MACROD2: variants seen among roughly 807,000 people sequenced by gnomAD.
MACROD2 encodes the protein ADP-ribose glycohydrolase MACROD2.
A neutral mutation model predicts 70.4 loss-of-function variants in MACROD2; 36 were observed. The observed-to-expected ratio is 0.51, with a 90% CI of 0.39 to 0.68. MACROD2 has a LOEUF of 0.68. MACROD2 is among the 30% of genes least tolerant of loss of function. MACROD2 has a pLI of 0.00. For synonymous variants in MACROD2, 172 were observed against 178.8 expected, an observed-to-expected ratio of 0.96 and a Z score of 0.30; for missense variants, 496 against 538.4, an observed-to-expected ratio of 0.92 and a Z score of 0.78.
At chr20:15,168,378 T>C (rs1024381836) in intron 5 of MACROD2, among the ~76,000 whole-genome samples, 3 of 152,034 alleles carry the variant, frequency 2.0e-5, no homozygotes, top group African/African-American at 7.3e-5. Context: ...ATACACTTTC[T>C]GTGCTGCCAA....
chr20:15,450,757 C>A (rs2046629937), intron 7 of MACROD2, among the ~76,000 whole-genome samples: 2 of 152,280 alleles, frequency 1.3e-5, no homozygotes, highest in South Asian at 2.1e-4. Flanking sequence ...CCCATTCCCA[C>A]CCCACAAATG....
chr20:14,380,240 G>A (rs1005361820), intron 3 of MACROD2, among the ~76,000 whole-genome samples: 2 of 152,082 alleles, frequency 1.3e-5, no homozygotes, highest in African/African-American at 4.8e-5. Flanking sequence ...TTTGCTATTT[G>A]TATGTCTTCT....
At chr20:15,085,873 A>ACAACACACACAC (rs35503821) in intron 5 of MACROD2, among the ~76,000 whole-genome samples, 20 of 144,384 alleles carry the variant, frequency 1.4e-4, no homozygotes, top group African/African-American at 5.1e-4. Flanking sequence ...ACACACACAC[A>ACAACACACACAC]ACACACACAC....
At chr20:14,355,145 G>A (rs540878893) in intron 3 of MACROD2, among the ~76,000 whole-genome samples, 9 of 152,326 alleles carry the variant, frequency 5.9e-5, no homozygotes, top group African/African-American at 2.2e-4. Context: ...CAATGGGATT[G>A]CAGGGTAGTT....
intron 3 of MACROD2, among the ~76,000 whole-genome samples, chr20:14,241,802 G>T (rs958871866): frequency 1.2e-4 from 19 of 152,220 alleles, no homozygotes; most frequent in South Asian, 2.1e-4. Context: ...TTCATACTTA[G>T]AATTTAATTT....
intron 8 of MACROD2, among the ~76,000 whole-genome samples, chr20:15,664,247 A>G (rs1364533198): frequency 1.3e-5 from 2 of 152,226 alleles, no homozygotes; most frequent in Admixed American, 6.5e-5. Context: ...TGGAAAGCAA[A>G]GGAGGAACTG....
intron 5 of MACROD2, among the ~76,000 whole-genome samples, chr20:14,770,375 CT>C (rs2072149209): frequency 6.6e-6 from 1 of 151,866 alleles, no homozygotes; most frequent in South Asian, 2.1e-4. Context: ...GGGGACCATT[CT>C]GATTTTAGGA....
At chr20:14,465,059 TGCAGA>T (rs1251426630) in intron 3 of MACROD2, among the ~76,000 whole-genome samples, 1 of 152,100 alleles carries the variant, frequency 6.6e-6, no homozygotes, top group Non-Finnish European at 1.5e-5. Context: ...GCCCTCTTGG[TGCAGA>T]GCTGAGTTCC....
intron 2 of MACROD2, among the ~76,000 whole-genome samples, chr20:14,034,773 T>C (rs2053287769): frequency 6.6e-6 from 1 of 152,214 alleles, no homozygotes; most frequent in African/African-American, 2.4e-5. Flanking sequence ...AATGAATTGT[T>C]TCCTCACATC....
At chr20:14,349,276 A>G (rs1411864543) in intron 3 of MACROD2, among the ~76,000 whole-genome samples, 1 of 149,810 alleles carries the variant, frequency 6.7e-6, no homozygotes, top group Non-Finnish European at 1.5e-5. Flanking sequence ...TTTTGTGGGT[A>G]CATACTAGGT....
intron 3 of MACROD2, among the ~76,000 whole-genome samples, chr20:14,450,271 A>G (rs917401224): frequency 6.6e-6 from 1 of 152,124 alleles, no homozygotes; most frequent in African/African-American, 2.4e-5. Context: ...GTTCATATGC[A>G]TGTTGGTTCT....
At chr20:15,992,358 T>C (rs1311011984) in intron 15 of MACROD2, among the ~76,000 whole-genome samples, 2 of 152,154 alleles carry the variant, frequency 1.3e-5, no homozygotes, top group African/African-American at 4.8e-5. Flanking sequence ...TTCTTTGGTG[T>C]CAGGTTTATT....
At chr20:14,226,308 T>G (rs2081732759) in intron 3 of MACROD2, among the ~76,000 whole-genome samples, 2 of 152,098 alleles carry the variant, frequency 1.3e-5, no homozygotes, top group Admixed American at 1.3e-4. Context: ...TCGCAACTGT[T>G]TATAAGGATT....
At chr20:14,007,890 C>T (rs2052844628) in intron 2 of MACROD2, among the ~76,000 whole-genome samples, 1 of 151,970 alleles carries the variant, frequency 6.6e-6, no homozygotes, top group Non-Finnish European at 1.5e-5. Context: ...TTATACAGAA[C>T]AGCAATAGGG....
intron 4 of MACROD2, among the ~76,000 whole-genome samples, chr20:14,587,727 A>G (rs1400712176): frequency 9.7e-6 from 1 of 102,880 alleles, no homozygotes; most frequent in Non-Finnish European, 2.2e-5. Context: ...ATGTTGGACT[A>G]TCCCTGCATT....
intron 5 of MACROD2, among the ~76,000 whole-genome samples, chr20:15,190,292 A>AG (rs1480928052): frequency 6.6e-6 from 1 of 152,108 alleles, no homozygotes; most frequent in Non-Finnish European, 1.5e-5. Flanking sequence ...CCTTAAGGAA[A>AG]GGAGTGCTGG....
chr20:14,434,006 A>G (rs975300692), intron 3 of MACROD2, among the ~76,000 whole-genome samples: 3 of 152,172 alleles, frequency 2.0e-5, no homozygotes, highest in Non-Finnish European at 4.4e-5. Context: ...TAGAAGTTAT[A>G]TGCAATTTAT....
chr20:15,490,233 CTCCCT>C (rs199942986), intron 7 of MACROD2, among the ~76,000 whole-genome samples: 3,031 of 114,262 alleles, frequency 0.027, 54 homozygotes, highest in East Asian at 0.072. Flanking sequence ...CCCTTCCTTC[CTCCCT>C]TCCCTTCCCT....
chr20:14,543,673 A>G (rs1483803850), intron 4 of MACROD2, among the ~76,000 whole-genome samples: 2 of 152,210 alleles, frequency 1.3e-5, no homozygotes, highest in Non-Finnish European at 2.9e-5. Flanking sequence ...TCAACTTGCA[A>G]TAGGGTTATA....
Sources: gnomAD v4.1 joint callset for allele counts (sites outside exome capture counted in the v4.1 genomes callset) on GRCh38, gnomAD v4.1.1 for gene constraint, MANE v1.5 for transcripts, NCBI Gene and HGNC (gene_info 2026-07-23, HGNC 2026-07-21) for gene names.